DYNC2H1: variants seen among roughly 807,000 people sequenced by gnomAD.
DYNC2H1 encodes cytoplasmic dynein 2 heavy chain 1.
Under a neutral mutation model 570.0 loss-of-function variants are expected in DYNC2H1, and 410 were observed. The observed-to-expected ratio is 0.72, with a 90% CI of 0.66 to 0.78. The LOEUF is 0.78. Ranked by LOEUF, DYNC2H1 falls within the 30% of genes least tolerant of loss-of-function variation. The probability of loss-of-function intolerance (pLI) is 0.00; values close to 1 mark genes in which losing one functional copy is unlikely to be tolerated. For missense variants in DYNC2H1, 4,865 were observed against 5,046.4 expected (o/e 0.96, Z 1.09); for synonymous variants, 1,688 against 1,677.6 (o/e 1.01, Z -0.15).
At position 103,305,380 on chromosome 11, in the gene DYNC2H1, T is replaced by C. The variant is rs185755970; in HGVS notation, c.11382+660T>C. Among the ~76,000 whole-genome samples the C allele has an allele frequency of 6.6e-5, 10 of 152,168 alleles. No individual in the cohort carries two copies. Among genetic ancestry groups the C allele is most frequent in the African/African-American group, 1.9e-4 (8 of 41,534 alleles). On this transcript the variant is annotated intron_variant, in intron 77 of 88. Transcript: ENST00000375735. The surrounding 1 kb of genome is among the most constrained non-coding windows in gnomAD (Gnocchi z 4.3). ...TAGTGTTGGGGATGTCCACCCCTAG[T>C]ACAAGGAATGAAGAGATGTCCTTGA...
intron 83 of DYNC2H1, among the ~76,000 whole-genome samples, chr11:103,367,951 T>C (rs1382415699): frequency 6.6e-6 from 1 of 151,448 alleles, no homozygotes; most frequent in Non-Finnish European, 1.5e-5. Context: ...AATTTCATTC[T>C]TTTTTTTCCT....
In DYNC2H1 at chr11:103,389,830, G is replaced by A. The variant is rs1274571893; in HGVS notation, c.12157-9833G>A. Among the ~76,000 whole-genome samples the A allele has an allele frequency of 3.9e-5, 6 of 152,066 alleles. No individual in the cohort carries two copies. In the East Asian group the frequency reaches 7.7e-4, roughly 20 times the overall value. On this transcript the variant is annotated intron_variant, in intron 83 of 88. Transcript: ENST00000375735. The stretch of plus-strand genomic sequence containing the variant: ...TTTTGAGTGAGTTTCTTAATCCTGA[G>A]TTCTAGTTTGATTGCACTGTGGTCT...
intron 84 of DYNC2H1, chr11:103,403,111 GA>G (rs950964795): frequency 1.3e-5 from 2 of 152,014 alleles, no homozygotes; most frequent in African/African-American, 4.8e-5. Flanking sequence ...TAGTAAAGTT[GA>G]ACTATTCATT....
chr11:103,238,038 A>G (rs1864287894), intron 63 of DYNC2H1, among the ~76,000 whole-genome samples: 1 of 152,148 alleles, frequency 6.6e-6, no homozygotes, highest in Non-Finnish European at 1.5e-5. Context: ...TTTCGTTGAA[A>G]TGAATTTGCT....
chr11:103,316,214 T>C (rs1937829351), intron 79 of DYNC2H1, among the ~76,000 whole-genome samples: 2 of 151,986 alleles, frequency 1.3e-5, no homozygotes. Context: ...AATCCACAAT[T>C]CTGGAGGATA....
chr11:103,388,592 G>C (rs949659672), intron 83 of DYNC2H1, among the ~76,000 whole-genome samples: 1 of 152,202 alleles, frequency 6.6e-6, no homozygotes, highest in Non-Finnish European at 1.5e-5. Context: ...AGTTTTCAAA[G>C]GGAATGCTTC....
chr11:103,357,666 CT>C (rs1418372235), intron 82 of DYNC2H1, among the ~76,000 whole-genome samples: 7 of 152,170 alleles, frequency 4.6e-5, no homozygotes, highest in Non-Finnish European at 1.0e-4. Context: ...AAAGAGGCAG[CT>C]TTATGCCAGG....
chr11:103,137,704 A>G (rs12279083), intron 17 of DYNC2H1, among the ~76,000 whole-genome samples: 13 of 152,002 alleles, frequency 8.6e-5, no homozygotes, highest in Non-Finnish European at 1.2e-4. Context: ...TGACTTGGCA[A>G]TGTGGGCTCT....
intron 70 of DYNC2H1, among the ~76,000 whole-genome samples, chr11:103,278,039 C>T (rs908426701): frequency 1.3e-5 from 2 of 152,168 alleles, no homozygotes; most frequent in African/African-American, 2.4e-5. Context: ...TCCTCTAAGG[C>T]AGCCATAGCT....
intron 18 of DYNC2H1, among the ~76,000 whole-genome samples, chr11:103,144,296 A>T (rs916767447): frequency 5.3e-5 from 8 of 152,218 alleles, no homozygotes; most frequent in Non-Finnish European, 8.8e-5. Flanking sequence ...TGAGATAAGT[A>T]AGTGTTTCCA....
At chr11:103,297,263 TAA>T (rs1866872847) in intron 75 of DYNC2H1, among the ~76,000 whole-genome samples, 1 of 152,202 alleles carries the variant, frequency 6.6e-6, no homozygotes, top group African/African-American at 2.4e-5. Flanking sequence ...CTCAGTTGTT[TAA>T]TCCAAAACCC....
At chr11:103,269,430 T>A (rs1221970237) in intron 70 of DYNC2H1, among the ~76,000 whole-genome samples, 1 of 152,198 alleles carries the variant, frequency 6.6e-6, no homozygotes, top group Non-Finnish European at 1.5e-5. Context: ...TTAAACTACC[T>A]GCTAGGTTTC....
chr11:103,373,920 C>T (rs1941283723), intron 83 of DYNC2H1, among the ~76,000 whole-genome samples: 1 of 152,028 alleles, frequency 6.6e-6, no homozygotes, highest in Admixed American at 6.6e-5. Flanking sequence ...GAAGTTACTC[C>T]TTTAGCGTTA....
At chr11:103,124,141 T>C (rs1489733724) in intron 11 of DYNC2H1, among the ~76,000 whole-genome samples, 1 of 152,028 alleles carries the variant, frequency 6.6e-6, no homozygotes, top group Non-Finnish European at 1.5e-5. Context: ...TTCTTAATTG[T>C]GAGGGTGATT....
chr11:103,287,279 A>C (rs1240542878), intron 74 of DYNC2H1, among the ~76,000 whole-genome samples: 4 of 152,210 alleles, frequency 2.6e-5, no homozygotes, highest in African/African-American at 9.6e-5. Flanking sequence ...CTTTTATTAG[A>C]TCCAGAAGAT....
chr11:103,221,085 T>G (rs1211051021), intron 57 of DYNC2H1, among the ~76,000 whole-genome samples: 1 of 152,070 alleles, frequency 6.6e-6, no homozygotes, highest in Non-Finnish European at 1.5e-5. Flanking sequence ...AGGACTGTGA[T>G]TTCACCATGA....
At chr11:103,226,061 TTA>T (rs1261078950) in intron 59 of DYNC2H1, among the ~76,000 whole-genome samples, 1 of 152,144 alleles carries the variant, frequency 6.6e-6, no homozygotes, top group African/African-American at 2.4e-5. Flanking sequence ...TACATGAATT[TTA>T]TGTTCTGAAA....
At chr11:103,376,661 A>T (rs534164355) in intron 83 of DYNC2H1, among the ~76,000 whole-genome samples, 118 of 152,124 alleles carry the variant, frequency 7.8e-4, no homozygotes, top group Non-Finnish European at 1.0e-3. Flanking sequence ...CACTATTTGT[A>T]GCTGCTGTTT....
chr11:103,413,850 C>CTTAATA (rs1943181051), intron 84 of DYNC2H1, among the ~76,000 whole-genome samples: 1 of 152,198 alleles, frequency 6.6e-6, no homozygotes, highest in African/African-American at 2.4e-5. Context: ...ATATCCCTAA[C>CTTAATA]TTAATATCAT....
Sources: gnomAD v4.1 joint callset for allele counts (sites outside exome capture counted in the v4.1 genomes callset) on GRCh38, gnomAD v4.1.1 for gene constraint, Gnocchi (gnomAD v3.1) non-coding constraint, MANE v1.5 for transcripts, NCBI Gene and HGNC (gene_info 2026-07-23, HGNC 2026-07-21) for gene names.